Variants in IFFO2 observed in about 807,000 individuals in gnomAD.
The protein encoded by IFFO2 is intermediate filament family orphan 2.
Under a neutral mutation model 53.5 loss-of-function variants are expected in IFFO2, and 19 were observed. That is an observed-to-expected ratio of 0.36 (90% CI 0.25 to 0.52). The LOEUF is 0.52. IFFO2 is among the 20% of genes least tolerant of loss of function. IFFO2 has a pLI of 0.94. For synonymous variants in IFFO2, 303 were observed against 313.6 expected, an observed-to-expected ratio of 0.97 and a Z score of 0.36; for missense variants, 570 against 727.4, an observed-to-expected ratio of 0.78 and a Z score of 2.49.
chr1:18,944,372 G>C (rs1446319747), intron 1 of IFFO2, among the ~76,000 whole-genome samples: 1 of 152,112 alleles, frequency 6.6e-6, no homozygotes, highest in Non-Finnish European at 1.5e-5. Context: ...GGACAGCCAG[G>C]GCGATCGGGG....
At chr1:18,912,676 T>C (rs1297004030) in intron 5 of IFFO2, among the ~76,000 whole-genome samples, 1 of 152,122 alleles carries the variant, frequency 6.6e-6, no homozygotes, top group African/African-American at 2.4e-5. Flanking sequence ...TGCAGCAAAA[T>C]GCAACGCCCT....
intron 7 of IFFO2, among the ~76,000 whole-genome samples, chr1:18,910,914 C>A (rs1936025732): frequency 6.6e-6 from 1 of 152,256 alleles, no homozygotes; most frequent in African/African-American, 2.4e-5. Context: ...TAGAAGTGAT[C>A]ACATGCACAG....
chr1:18,924,278 C>G (rs1936252832), intron 1 of IFFO2, among the ~76,000 whole-genome samples: 1 of 152,204 alleles, frequency 6.6e-6, no homozygotes, highest in Admixed American at 6.5e-5. Flanking sequence ...CCCACCCACC[C>G]AGAGCCAGGG....
Position 18,910,338 on chromosome 1 carries a change from G to A in IFFO2, c.1448+4C>T. ...CTGAATCCCCTGGGAGGATGGGCGG[G>A]TACCTGTCTGCGGAGCCTTTGATGA... On this transcript the variant is annotated splice_donor_region_variant and intron_variant, in intron 8 of 8. Transcript: ENST00000455833. 1 of 1,603,120 alleles carries A rather than the reference G, an allele frequency of 6.2e-7. No homozygotes were observed. The highest frequency in any genetic ancestry group is 8.5e-7 in the Non-Finnish European group (1 of 1,174,814).
At chr1:18,921,427 A>G (rs1936214644) in intron 1 of IFFO2, among the ~76,000 whole-genome samples, 1 of 152,224 alleles carries the variant, frequency 6.6e-6, no homozygotes, top group South Asian at 2.1e-4. Flanking sequence ...TGCAAACTGT[A>G]AAGTGCTGTG....
At chr1:18,938,264 C>A (rs1447595910) in intron 1 of IFFO2, among the ~76,000 whole-genome samples, 1 of 152,230 alleles carries the variant, frequency 6.6e-6, no homozygotes, top group African/African-American at 2.4e-5. Flanking sequence ...ATGGTGAAGA[C>A]CCCATAAGAT....
At chr1:18,937,848 G>A (rs1407274709) in intron 1 of IFFO2, among the ~76,000 whole-genome samples, 4 of 152,254 alleles carry the variant, frequency 2.6e-5, no homozygotes, top group Non-Finnish European at 5.9e-5. Context: ...CCCAGATGCT[G>A]CCGAGCACCC....
intron 1 of IFFO2, among the ~76,000 whole-genome samples, chr1:18,926,053 A>ATTGG (rs1557643325): frequency 9.7e-4 from 11 of 11,380 alleles, no homozygotes; most frequent in South Asian, 2.4e-3. Flanking sequence ...GGATGGATGG[A>ATTGG]TTGGTTGGAT....
In IFFO2 at chr1:18,942,999, C is replaced by T. The variant is rs542831441; in HGVS notation, c.665+12669G>A. Among the ~76,000 whole-genome samples the T allele has an allele frequency of 3.9e-5, 6 of 152,088 alleles. No homozygotes were observed. In the East Asian group the frequency reaches 5.8e-4, roughly 15 times the overall value. ...GATTACAGGCTCGTGCCACCACACC[C>T]GGCAAATTTAAGTCCTGATGTTTTA... On this transcript the variant is annotated intron_variant, in intron 1 of 8. Transcript: ENST00000455833.
At chr1:18,911,590 G>A (rs954919913) in intron 6 of IFFO2, 114 bp from the exon 7 acceptor site, 14 of 464,428 alleles carry the variant, frequency 3.0e-5, no homozygotes, top group African/African-American at 1.4e-4. Flanking sequence ...CCAGGCTGGA[G>A]TGCAGAGGTA....
intron 2 of IFFO2, among the ~76,000 whole-genome samples, chr1:18,920,387 C>T (rs143472914): frequency 5.9e-5 from 9 of 152,346 alleles, no homozygotes; most frequent in East Asian, 5.8e-4. Context: ...CTGTCTTAGA[C>T]GACAAATGCT....
rs190582663 is a variant in IFFO2, at chr1:18,913,427, C to T, written c.1104-1344G>A. 2.4e-4 allele frequency among the ~76,000 whole-genome samples: 36 copies of T among 152,350 alleles called. No individual in the cohort carries two copies. The East Asian group carries it at 6.2e-3, about 26-fold the overall frequency. On this transcript the variant is annotated intron_variant, in intron 5 of 8. Coordinates refer to ENST00000455833, the MANE Select transcript of IFFO2 (RefSeq NM_001136265.2). ...TCTGGGATCTGAAGGAAACCCCAGC[C>T]GAGGGACAGGAAGCTGGAAAGGACA...
chr1:18,926,116 T>TGG lies in IFFO2; in HGVS notation c.666-4996_666-4995insCC, dbSNP rs1182042550. On this transcript the variant is annotated intron_variant, in intron 1 of 8. Coordinates refer to ENST00000455833, the MANE Select transcript of IFFO2 (RefSeq NM_001136265.2). ...TGGATGGATGGATTGGTTGGATGGA[T>TGG]AGATGGATGGATGGATGGATGGATG... Among the ~76,000 whole-genome samples, 75 of 94,536 alleles carry TGG rather than the reference T, an allele frequency of 7.9e-4. 1 individual carries two copies. Among genetic ancestry groups the TGG allele is most frequent in the African/African-American group, 2.0e-3 (53 of 26,942 alleles). The allele number at this position is 94,536 out of a possible 152,430, so 62.0% of individuals were successfully genotyped here. A position where few individuals can be genotyped will look rare whatever the true frequency, so the allele number is the denominator to read the frequency against.
At chr1:18,944,412 C>T (rs964124792) in intron 1 of IFFO2, among the ~76,000 whole-genome samples, 1 of 152,090 alleles carries the variant, frequency 6.6e-6, no homozygotes, top group African/African-American at 2.4e-5. Flanking sequence ...AGGGGAGCAG[C>T]CAAGCCTCCC....
At chr1:18,923,835 T>C (rs1311906118) in intron 1 of IFFO2, among the ~76,000 whole-genome samples, 1 of 152,162 alleles carries the variant, frequency 6.6e-6, no homozygotes, top group Non-Finnish European at 1.5e-5. Flanking sequence ...CAGATGGCAC[T>C]GAGTGGCCAG....
intron 1 of IFFO2, among the ~76,000 whole-genome samples, chr1:18,946,184 G>A (rs777241931): frequency 6.6e-6 from 1 of 152,158 alleles, no homozygotes; most frequent in Non-Finnish European, 1.5e-5. Flanking sequence ...GGTCCCCACA[G>A]GCACTCCGCT....
chr1:18,910,983 C>T (rs2100640383), intron 7 of IFFO2, among the ~76,000 whole-genome samples: 1 of 152,360 alleles, frequency 6.6e-6, no homozygotes, highest in African/African-American at 2.4e-5. Flanking sequence ...AGGCCTTGGG[C>T]AAGTCACTTG....
At chr1:18,954,579 C>T (rs1936700384) in intron 1 of IFFO2, among the ~76,000 whole-genome samples, 3 of 152,274 alleles carry the variant, frequency 2.0e-5, no homozygotes, top group African/African-American at 7.2e-5. Flanking sequence ...GTGCCTGGAA[C>T]AGCGATTGCC....
intron 1 of IFFO2, among the ~76,000 whole-genome samples, chr1:18,931,205 C>T (rs1013214979): frequency 1.3e-5 from 2 of 152,220 alleles, no homozygotes; most frequent in Non-Finnish European, 2.9e-5. Context: ...GGAGAAACTG[C>T]AGCTCTGTGG....
Sources: allele counts gnomAD v4.1 joint callset (sites outside exome capture counted in the v4.1 genomes callset), GRCh38; gene constraint gnomAD v4.1.1; transcripts MANE v1.5; gene names NCBI Gene and HGNC (gene_info 2026-07-23, HGNC 2026-07-21).